Variants in ARHGAP42 observed in about 807,000 individuals in gnomAD.
ARHGAP42 encodes the protein rho GTPase-activating protein 42.
ARHGAP42 carries 63 observed loss-of-function variants against 125.0 expected under a neutral mutation model. The ratio of observed to expected loss-of-function variants is 0.50; its 90% confidence interval spans 0.41 to 0.62. ARHGAP42 has a LOEUF of 0.62. Among genes scored for constraint, ARHGAP42 ranks in the 20% least tolerant of loss-of-function variants. ARHGAP42 has a pLI of 0.00. For missense variants in ARHGAP42, 766 were observed against 1,024.2 expected, an observed-to-expected ratio of 0.75 and a Z score of 3.44; for synonymous variants, 339 against 351.0, an observed-to-expected ratio of 0.97 and a Z score of 0.38.
intron 2 of ARHGAP42, among the ~76,000 whole-genome samples, chr11:100,772,019 C>T (rs1013470785): frequency 1.3e-5 from 2 of 152,152 alleles, no homozygotes; most frequent in African/African-American, 2.4e-5. Flanking sequence ...TTTGTAATCC[C>T]CTTCATACCT....
intron 4 of ARHGAP42, among the ~76,000 whole-genome samples, chr11:100,910,055 A>G (rs1450659194): frequency 2.6e-5 from 4 of 152,206 alleles, no homozygotes; most frequent in East Asian, 1.9e-4. Context: ...CGTGAGCACT[A>G]TACCCAGAAT....
chr11:100,726,030 C>T (rs1266613084), intron 1 of ARHGAP42, among the ~76,000 whole-genome samples: 1 of 141,020 alleles, frequency 7.1e-6, no homozygotes, highest in East Asian at 2.1e-4. Context: ...CCTTGAAGTT[C>T]AAGGTTGCAG....
At position 100,745,172 on chromosome 11, in the gene ARHGAP42, G is replaced by A. The variant is rs146061615; in HGVS notation, c.155-25171G>A. The stretch of plus-strand genomic sequence containing the variant: ...AGGTAATTGAAAAAGGTTGCTTTAC[G>A]AGGAAGTTAAGTTTAAAAGTAGAAG... On this transcript the variant is annotated intron_variant, in intron 1 of 23. Transcript: ENST00000298815. 1.0e-3 allele frequency among the ~76,000 whole-genome samples: 158 copies of A among 152,284 alleles called. 2 individuals are homozygous for A. The highest frequency in any genetic ancestry group is 3.6e-3 in the African/African-American group (149 of 41,562).
At chr11:100,887,371 A>G (rs999771530) in intron 4 of ARHGAP42, among the ~76,000 whole-genome samples, 2 of 152,088 alleles carry the variant, frequency 1.3e-5, no homozygotes, top group Non-Finnish European at 2.9e-5. Flanking sequence ...ATGTACAACT[A>G]ACCAATGAGG....
At chr11:100,861,322 G>A (rs1865440106) in intron 4 of ARHGAP42, among the ~76,000 whole-genome samples, 1 of 152,208 alleles carries the variant, frequency 6.6e-6, no homozygotes. Context: ...AGTGGACCCT[G>A]GAGGTAGAGG....
Position 100,687,747 on chromosome 11 carries a change from G to C in ARHGAP42, c.69G>C (p.Gln23His). Residue 23 changes from glutamine to histidine, a missense_variant, in exon 1 of 24, where the codon CAG becomes CAC. This residue lies in a region of ARHGAP42 where 455 missense variants were observed against 636.5 expected (regional missense o/e 0.71). Transcript: ENST00000298815. Reference sequence around the variant, plus strand: ...GCCCAGATTTCAGGGAGCGCTTGCAGTGTCACGAGATTGAGCTGGAGCGAA... The same window carrying C: ...GCCCAGATTTCAGGGAGCGCTTGCACTGTCACGAGATTGAGCTGGAGCGAA... ...LDSPDFRERL[Q>H]CHEIELERTN... The C allele has an allele frequency of 6.4e-7, 1 of 1,550,840 alleles. No individual in the cohort carries two copies. Among genetic ancestry groups the C allele is most frequent in the Non-Finnish European group, 8.7e-7 (1 of 1,146,772 alleles).
chr11:100,956,400 T>A (rs534623), intron 12 of ARHGAP42, among the ~76,000 whole-genome samples: 134,231 of 152,166 alleles, frequency 0.88, 59,301 homozygotes, highest in East Asian at 1. Context: ...CTCTCAACAT[T>A]GTTTTCACTC....
At chr11:100,956,491 A>G (rs1325128154) in intron 12 of ARHGAP42, among the ~76,000 whole-genome samples, 1 of 152,160 alleles carries the variant, frequency 6.6e-6, no homozygotes, top group East Asian at 1.9e-4. Context: ...TGCAAGCCAC[A>G]TACTGGCTCT....
chr11:100,891,797 A>G lies in ARHGAP42; in HGVS notation c.385-21655A>G, dbSNP rs1019681608. On this transcript the variant is annotated intron_variant, in intron 4 of 23. Transcript: ENST00000298815. ...GAGACAGATAGTTTATGTCTGTGCC[A>G]TAGTAAATGCCGAGTTAGAGGTACA... Among the ~76,000 whole-genome samples, 9 of 152,296 alleles carry G rather than the reference A, an allele frequency of 5.9e-5. No homozygotes were observed. In the East Asian group the frequency reaches 1.5e-3, roughly 26 times the overall value.
chr11:100,720,983 C>T (rs61910476), intron 1 of ARHGAP42, among the ~76,000 whole-genome samples: 18,296 of 151,604 alleles, frequency 0.12, 1,386 homozygotes, highest in Middle Eastern at 0.16. Context: ...GCAGATAATA[C>T]AGAATTACAA....
intron 3 of ARHGAP42, among the ~76,000 whole-genome samples, chr11:100,827,800 G>A (rs541706846): frequency 1.0e-3 from 156 of 152,312 alleles, no homozygotes; most frequent in African/African-American, 3.5e-3. Flanking sequence ...GAATCTTTAA[G>A]TATCAAGCAA....
intron 4 of ARHGAP42, among the ~76,000 whole-genome samples, chr11:100,867,917 A>G (rs2135153555): frequency 6.6e-6 from 1 of 151,952 alleles, no homozygotes; most frequent in Non-Finnish European, 1.5e-5. Flanking sequence ...GGGAAGCTGG[A>G]AGAGAGAGAG....
intron 3 of ARHGAP42, among the ~76,000 whole-genome samples, chr11:100,796,954 A>G (rs903075582): frequency 7.6e-4 from 116 of 152,088 alleles, no homozygotes; most frequent in Non-Finnish European, 4.7e-4. Flanking sequence ...TTTTTAGTAG[A>G]GATGGGATTT....
chr11:100,832,962 G>A (rs1168899832), intron 3 of ARHGAP42, among the ~76,000 whole-genome samples: 2 of 152,198 alleles, frequency 1.3e-5, no homozygotes. Context: ...GACCAGAAGG[G>A]AACTATGCTG....
At chr11:100,932,062 GAATAT>G (rs1231657909) in intron 6 of ARHGAP42, among the ~76,000 whole-genome samples, 1 of 152,144 alleles carries the variant, frequency 6.6e-6, no homozygotes, top group African/African-American at 2.4e-5. Context: ...TTTCTGAAAT[GAATAT>G]GACTTTGTAT....
intron 1 of ARHGAP42, among the ~76,000 whole-genome samples, chr11:100,696,480 A>G (rs911387991): frequency 6.6e-6 from 1 of 150,768 alleles, no homozygotes; most frequent in African/African-American, 2.4e-5. Flanking sequence ...TAGCCTCCTG[A>G]GTAGCTGGGA....
At chr11:100,690,179 G>A (rs2120163477) in intron 1 of ARHGAP42, among the ~76,000 whole-genome samples, 1 of 152,228 alleles carries the variant, frequency 6.6e-6, no homozygotes, top group Non-Finnish European at 1.5e-5. Flanking sequence ...CCTGCCTGGG[G>A]AGGACTTCAC....
Position 100,821,081 on chromosome 11 carries a change from A to C in ARHGAP42, c.312+25915A>C, listed in dbSNP as rs146101254. On this transcript the variant is annotated intron_variant, in intron 3 of 23. Transcript: ENST00000298815. ...GAAGGCTTACAATCTAGTTAAATAG[A>C]AAAGCCTATTATAAACCTGAAGCAT... Among the ~76,000 whole-genome samples, 295 of 152,206 alleles carry C rather than the reference A, an allele frequency of 1.9e-3. 2 individuals are homozygous for C. Among genetic ancestry groups the C allele is most frequent in the African/African-American group, 6.6e-3 (274 of 41,538 alleles).
chr11:100,919,706 A>G (rs1427953966), intron 5 of ARHGAP42, among the ~76,000 whole-genome samples: 1 of 152,148 alleles, frequency 6.6e-6, no homozygotes, highest in Non-Finnish European at 1.5e-5. Context: ...CCAGCCTGAC[A>G]TTATCTTTTA....
Sources: gnomAD v4.1 joint callset for allele counts (sites outside exome capture counted in the v4.1 genomes callset) on GRCh38, gnomAD v4.1.1 for gene constraint, gnomAD v4.1.1 regional missense constraint, MANE v1.5 for transcripts, NCBI Gene and HGNC (gene_info 2026-07-23, HGNC 2026-07-21) for gene names.